RBFOX1: variants seen among roughly 807,000 people sequenced by gnomAD.
RBFOX1 encodes RNA binding fox-1 homolog 1, also known as RNA binding protein fox-1 homolog 1.
RBFOX1 carries 8 observed loss-of-function variants against 57.7 expected under a neutral mutation model. That is an observed-to-expected ratio of 0.14 (90% CI 0.08 to 0.25). The LOEUF (loss-of-function observed/expected upper bound fraction) is 0.25, where lower values mean the gene tolerates loss of function less well. Ranked by LOEUF, RBFOX1 falls within the 10% of genes least tolerant of loss-of-function variation. The probability of loss-of-function intolerance (pLI) is 1.00; values close to 1 mark genes in which losing one functional copy is unlikely to be tolerated. For synonymous variants in RBFOX1, 326 were observed against 222.4 expected, an observed-to-expected ratio of 1.47 and a Z score of -4.15; for missense variants, 611 against 548.5, an observed-to-expected ratio of 1.11 and a Z score of -1.14.
chr16:6,056,014 T>G (rs2095610048), intron 1 of RBFOX1, among the ~76,000 whole-genome samples: 1 of 152,202 alleles, frequency 6.6e-6, no homozygotes, highest in Non-Finnish European at 1.5e-5. Flanking sequence ...AGAATTTGTT[T>G]CATTTCTTTG....
In RBFOX1 at chr16:6,957,390, C is replaced by T. The variant is rs149550616; in HGVS notation, c.-15-94667C>T. ...TCGTGATCTGCCTCCCAATGTGCTG[C>T]GACTCACGCTCAGCCGGTTATTTCT... On this transcript the variant is annotated intron_variant, in intron 3 of 15. Transcript: ENST00000550418. 6.0e-5 allele frequency among the ~76,000 whole-genome samples: 9 copies of T among 148,980 alleles called. No homozygotes were observed. The South Asian group carries it at 1.0e-3, about 17-fold the overall frequency.
At chr16:5,529,583 T>C (rs1381899084) in intron 2 of RBFOX1, among the ~76,000 whole-genome samples, 1 of 150,938 alleles carries the variant, frequency 6.6e-6, no homozygotes, top group East Asian at 1.9e-4. Flanking sequence ...TTTTTTTTTT[T>C]GAGATGGAGT....
At chr16:5,685,048 T>A (rs2050463316) in intron 3 of RBFOX1, among the ~76,000 whole-genome samples, 1 of 152,146 alleles carries the variant, frequency 6.6e-6, no homozygotes, top group Non-Finnish European at 1.5e-5. Context: ...GAAGCGGTTG[T>A]GATTCTCTTC....
In RBFOX1 at chr16:6,429,924, C is replaced by CAT. The variant is rs199736627; in HGVS notation, c.-64+112869_-64+112870dup. 6.8e-3 allele frequency among the ~76,000 whole-genome samples: 1,034 copies of CAT among 152,126 alleles called. 14 individuals carry two copies. In the Middle Eastern group the frequency reaches 0.068, roughly 10 times the overall value. ...AGGAGTTCAAGTCCAGTCTGACCAA[C>CAT]ATAGTGAAACCCCCTCTCTACTAAA... is the stretch of plus-strand genomic sequence containing the variant. On this transcript the variant is annotated intron_variant, in intron 2 of 15. Coordinates refer to ENST00000550418, the MANE Select transcript of RBFOX1 (RefSeq NM_018723.4).
At chr16:6,805,235 G>T (rs9940847) in intron 3 of RBFOX1, among the ~76,000 whole-genome samples, 6,836 of 152,262 alleles carry the variant, frequency 0.045, 377 homozygotes, top group African/African-American at 0.13. Flanking sequence ...CCTGTCTTTT[G>T]CAGGAACATG....
intron 2 of RBFOX1, among the ~76,000 whole-genome samples, chr16:6,437,795 A>G (rs757243694): frequency 1.3e-5 from 2 of 152,044 alleles, no homozygotes; most frequent in African/African-American, 4.8e-5. Context: ...AAATAACCAG[A>G]CCTCGTGAGA....
intron 4 of RBFOX1, among the ~76,000 whole-genome samples, chr16:7,165,159 A>G (rs2079158766): frequency 6.6e-6 from 1 of 152,078 alleles, no homozygotes; most frequent in Non-Finnish European, 1.5e-5. Context: ...CTTGTGTTGA[A>G]TATCATGTCA....
At chr16:6,793,821 T>G (rs10163420) in intron 3 of RBFOX1, among the ~76,000 whole-genome samples, 23,570 of 152,056 alleles carry the variant, frequency 0.16, 2,899 homozygotes, top group African/African-American at 0.34. Context: ...CTTTGGTTAG[T>G]AGAAGGTGAT....
At chr16:5,760,907 TA>T (rs2151643911) in intron 3 of RBFOX1, among the ~76,000 whole-genome samples, 1 of 152,236 alleles carries the variant, frequency 6.6e-6, no homozygotes, top group East Asian at 1.9e-4. Flanking sequence ...TGGAACTAGA[TA>T]AGAGAGGTGG....
chr16:7,306,576 T>TGTGC (rs2096192433), intron 4 of RBFOX1, among the ~76,000 whole-genome samples: 1 of 30,894 alleles, frequency 3.2e-5, no homozygotes, highest in Admixed American at 4.3e-4. Context: ...GTGGGAATGG[T>TGTGC]GTGCGTGTGT....
At chr16:5,475,181 C>A (rs1487988754) in intron 2 of RBFOX1, among the ~76,000 whole-genome samples, 2 of 152,184 alleles carry the variant, frequency 1.3e-5, no homozygotes, top group African/African-American at 4.8e-5. Context: ...TATGTTTGAT[C>A]TTCTGTCATT....
In RBFOX1 at chr16:7,475,265, A is replaced by G. The variant is rs1016190906; in HGVS notation, c.28-42882A>G. ...CTGTTTTCAACACTCCTTCAAAGGG[A>G]GGAGTGTGCAGCTACCGATTAATAG... is the stretch of plus-strand genomic sequence containing the variant. On this transcript the variant is annotated intron_variant, in intron 4 of 15. Transcript: ENST00000550418. 1.3e-4 allele frequency among the ~76,000 whole-genome samples: 19 copies of G among 150,660 alleles called. 1 individual carries two copies. In the South Asian group the frequency reaches 3.6e-3, roughly 29 times the overall value.
chr16:5,915,449 A>G (rs1199871025), intron 4 of RBFOX1, among the ~76,000 whole-genome samples: 1 of 152,178 alleles, frequency 6.6e-6, no homozygotes, highest in African/African-American at 2.4e-5. Context: ...TTTAGTGCCT[A>G]CTTATTCCTT....
At chr16:6,888,332 A>G (rs1016118140) in intron 3 of RBFOX1, among the ~76,000 whole-genome samples, 6 of 152,218 alleles carry the variant, frequency 3.9e-5, no homozygotes, top group South Asian at 2.1e-4. Context: ...GCAATATACA[A>G]TGAATCACTG....
intron 3 of RBFOX1, among the ~76,000 whole-genome samples, chr16:6,969,260 T>G (rs931188409): frequency 5.9e-5 from 9 of 152,116 alleles, no homozygotes; most frequent in Admixed American, 3.9e-4. Flanking sequence ...CCTTGGAGAT[T>G]ATGGATTTTA....
intron 1 of RBFOX1, among the ~76,000 whole-genome samples, chr16:6,179,730 G>T (rs2097047560): frequency 6.6e-6 from 1 of 152,052 alleles, no homozygotes; most frequent in South Asian, 2.1e-4. Context: ...ACATCTATTG[G>T]TATAAGGAAA....
chr16:5,706,070 C>G (rs912748927), intron 3 of RBFOX1, among the ~76,000 whole-genome samples: 1 of 152,170 alleles, frequency 6.6e-6, no homozygotes, highest in Non-Finnish European at 1.5e-5. Flanking sequence ...GCCACCATGC[C>G]TAGCTAATTT....
intron 1 of RBFOX1, among the ~76,000 whole-genome samples, chr16:5,289,873 A>C (rs1304679950): frequency 6.6e-6 from 1 of 152,276 alleles, no homozygotes; most frequent in African/African-American, 2.4e-5. Flanking sequence ...CTTCTACTCC[A>C]GTTTATGAAA....
chr16:7,471,274 C>T (rs191862731), intron 4 of RBFOX1, among the ~76,000 whole-genome samples: 1 of 152,276 alleles, frequency 6.6e-6, no homozygotes, highest in African/African-American at 2.4e-5. Context: ...TAGCTTTAGG[C>T]TATTTCCAAC....
Sources: gnomAD v4.1 joint callset for allele counts (sites outside exome capture counted in the v4.1 genomes callset) on GRCh38, gnomAD v4.1.1 for gene constraint, MANE v1.5 for transcripts, NCBI Gene and HGNC (gene_info 2026-07-23, HGNC 2026-07-21) for gene names.